SCAP: variants seen among roughly 807,000 people sequenced by gnomAD.
SCAP encodes the protein SREBF chaperone.
A neutral mutation model predicts 123.6 loss-of-function variants in SCAP; 65 were observed. The ratio of observed to expected loss-of-function variants is 0.53; its 90% CI spans 0.43 to 0.65. The LOEUF (loss-of-function observed/expected upper bound fraction) is 0.65. SCAP is among the 30% of genes least tolerant of loss of function. SCAP has a pLI of 0.00. For synonymous variants in SCAP, 740 were observed against 726.3 expected (o/e 1.02, Z -0.30); for missense variants, 1,398 against 1,712.5 (o/e 0.82, Z 3.24).
At chr3:47,455,002 A>G (rs1707362255) in intron 1 of SCAP, among the ~76,000 whole-genome samples, 1 of 149,056 alleles carries the variant, frequency 6.7e-6, no homozygotes, top group African/African-American at 2.4e-5. Flanking sequence ...AAAAAGTTAA[A>G]TTATCATTAT....
At chr3:47,475,251 T>C (rs1453795773) in intron 1 of SCAP, among the ~76,000 whole-genome samples, 1 of 152,070 alleles carries the variant, frequency 6.6e-6, no homozygotes, top group Non-Finnish European at 1.5e-5. Flanking sequence ...ATCGTGACAT[T>C]ATAAGCCGGT....
intron 3 of SCAP, chr3:47,434,799 T>G (rs1706503859): frequency 2.0e-6 from 1 of 498,760 alleles, no homozygotes; most frequent in East Asian, 3.9e-5. Flanking sequence ...ATTGTGCCAT[T>G]GCACTCCAGC....
Position 47,414,233 on chromosome 3 carries a change from G to C in SCAP, c.3541C>G (p.Leu1181Val). Residue 1181 changes from leucine to valine, a missense_variant, in exon 22 of 23, where the codon CTC (leucine) becomes GTC (valine). Coordinates refer to ENST00000265565, the MANE Select transcript of SCAP (RefSeq NM_012235.4). Reference protein sequence around the residue: ...SCVISSGLDDLISIWDRSTGI... With the variant: ...SCVISSGLDDVISIWDRSTGI... ...GTGCTGCGGTCCCAGATGCTGATGA[G>C]GTCATCCAGGCCACTGCTGATGACA... 1 of 1,613,670 alleles carries C rather than the reference G, an allele frequency of 6.2e-7. No homozygotes were observed. Among genetic ancestry groups the C allele is most frequent in the Non-Finnish European group, 8.5e-7 (1 of 1,180,016 alleles).
chr3:47,448,836 G>A (rs1483188205), intron 1 of SCAP, among the ~76,000 whole-genome samples: 1 of 151,978 alleles, frequency 6.6e-6, no homozygotes, highest in Non-Finnish European at 1.5e-5. Flanking sequence ...TCATGTTGTG[G>A]TTGCCATCTG....
intron 18 of SCAP, among the ~76,000 whole-genome samples, chr3:47,416,113 G>GA (rs1705558743): frequency 1.3e-5 from 2 of 152,328 alleles, no homozygotes; most frequent in Admixed American, 1.3e-4. Flanking sequence ...CCTCCCCAAG[G>GA]AAAAAGACTC....
At chr3:47,459,323 G>A (rs1037411898) in intron 1 of SCAP, among the ~76,000 whole-genome samples, 1 of 152,198 alleles carries the variant, frequency 6.6e-6, no homozygotes, top group Non-Finnish European at 1.5e-5. Context: ...CAAGAAGCGT[G>A]CTTTGCTGGA....
intron 1 of SCAP, chr3:47,469,704 C>G: frequency 3.2e-6 from 1 of 311,788 alleles, no homozygotes; most frequent in Non-Finnish European, 6.2e-6. Flanking sequence ...TGCCTGCCAC[C>G]ATGTAAGACA....
At position 47,427,138 on chromosome 3, in the gene SCAP, A is replaced by G; in HGVS notation, c.737+19T>C. The G allele has an allele frequency of 6.4e-7, 1 of 1,569,756 alleles. No individual in the cohort carries two copies. The highest frequency in any genetic ancestry group is 8.8e-7 in the Non-Finnish European group (1 of 1,139,632). On this transcript the variant is annotated intron_variant, in intron 6 of 22. Transcript: ENST00000265565. Reference sequence around the variant, plus strand: ...CACCCAGCAGACCAGTCAAGAGCCCAGGGTACTGTCAATCTTACTTGGCAT... The same window carrying G: ...CACCCAGCAGACCAGTCAAGAGCCCGGGGTACTGTCAATCTTACTTGGCAT...
At chr3:47,433,525 C>T (rs1306903716) in intron 3 of SCAP, among the ~76,000 whole-genome samples, 1 of 152,208 alleles carries the variant, frequency 6.6e-6, no homozygotes, top group East Asian at 1.9e-4. Flanking sequence ...AATGAACTCT[C>T]CTAGTCAGGA....
chr3:47,416,928 C>A (rs998724468), intron 18 of SCAP, among the ~76,000 whole-genome samples, 194 bp downstream of exon 18: 1 of 152,164 alleles, frequency 6.6e-6, no homozygotes, highest in African/African-American at 2.4e-5. Flanking sequence ...GCCCGGCCAC[C>A]CCTAACGCTT....
chr3:47,473,264 T>A (rs1338294940), intron 1 of SCAP, among the ~76,000 whole-genome samples: 2 of 151,954 alleles, frequency 1.3e-5, no homozygotes, highest in Non-Finnish European at 2.9e-5. Flanking sequence ...AACAGTGTTA[T>A]CTCACCTGGT....
chr3:47,413,746 A>T lies in SCAP; in HGVS notation c.*108T>A. ...AAAAAAGTTTAATATTATTACAGTC[A>T]GGAGGCAGCGGCTGGAAGATACTCG... On this transcript the variant is annotated 3_prime_UTR_variant, in exon 23 of 23. Coordinates refer to ENST00000265565, the MANE Select transcript of SCAP (RefSeq NM_012235.4). The T allele has an allele frequency of 7.1e-7, 1 of 1,407,670 alleles. No individual in the cohort carries two copies. Among genetic ancestry groups the T allele is most frequent in the Non-Finnish European group, 9.6e-7 (1 of 1,036,404 alleles). The allele number at this position is 1,407,670 out of a possible 1,614,324, so 87.2% of individuals were successfully genotyped here. A position where few individuals can be genotyped will look rare whatever the true frequency, so the allele number is the denominator to read the frequency against.
chr3:47,450,090 T>G (rs1707187063), intron 1 of SCAP, among the ~76,000 whole-genome samples: 1 of 124,356 alleles, frequency 8.0e-6, no homozygotes, highest in Non-Finnish European at 1.8e-5. Context: ...CTCCGCCTCC[T>G]GGGCTCAAGC....
At chr3:47,448,016 A>C (rs1707113958) in intron 1 of SCAP, among the ~76,000 whole-genome samples, 1 of 151,230 alleles carries the variant, frequency 6.6e-6, no homozygotes, top group African/African-American at 2.4e-5. Context: ...AAAAAAAAAA[A>C]AAAAAAAAAA....
intron 1 of SCAP, among the ~76,000 whole-genome samples, chr3:47,452,745 G>A (rs1707271688): frequency 6.6e-6 from 1 of 152,080 alleles, no homozygotes; most frequent in South Asian, 2.1e-4. Context: ...CCCAAGAGTT[G>A]CCTAAGTCAA....
intron 2 of SCAP, among the ~76,000 whole-genome samples, chr3:47,438,724 G>A (rs1256018030): frequency 6.6e-6 from 1 of 151,778 alleles, no homozygotes; most frequent in Non-Finnish European, 1.5e-5. Context: ...TGAGGCAGGA[G>A]AATCGCTTGA....
intron 2 of SCAP, among the ~76,000 whole-genome samples, chr3:47,441,926 C>T (rs1228351517): frequency 7.4e-6 from 1 of 135,854 alleles, no homozygotes; most frequent in African/African-American, 2.8e-5. Flanking sequence ...CAGGCTGATC[C>T]TGAACTCCTG....
chr3:47,473,012 G>A (rs1338045152), intron 1 of SCAP, among the ~76,000 whole-genome samples: 10 of 144,026 alleles, frequency 6.9e-5, no homozygotes, highest in Non-Finnish European at 1.2e-4. Flanking sequence ...CCTGGGAGGC[G>A]GAGGTTGCAG....
At chr3:47,418,999 C>T (rs2107778949) in intron 13 of SCAP, among the ~76,000 whole-genome samples, 156 bp from the exon 14 acceptor site, 1 of 152,322 alleles carries the variant, frequency 6.6e-6, no homozygotes, top group South Asian at 2.1e-4. Context: ...GTAGGTCCCT[C>T]CCCAGCCCAG....
Sources: gnomAD v4.1 joint callset for allele counts (sites outside exome capture counted in the v4.1 genomes callset) on GRCh38, gnomAD v4.1.1 for gene constraint, MANE v1.5 for transcripts, NCBI Gene and HGNC (gene_info 2026-07-23, HGNC 2026-07-21) for gene names.